The following SLC30A6 variants were observed in gnomAD, a reference collection of about 807,000 sequenced individuals.
The protein encoded by SLC30A6 is zinc transporter 6.
In SLC30A6, 55 loss-of-function variants were observed where a neutral mutation model predicts 63.0. That is an observed-to-expected ratio of 0.87 (90% CI 0.70 to 1.09). SLC30A6 has a LOEUF of 1.09. SLC30A6 is among the 50% of genes least tolerant of loss of function. SLC30A6 has a pLI of 0.00. For missense variants in SLC30A6, 587 were observed against 549.2 expected, an observed-to-expected ratio of 1.07 and a Z score of -0.69; for synonymous variants, 224 against 186.1, an observed-to-expected ratio of 1.20 and a Z score of -1.66.
At chr2:32,204,539 T>C (rs1286625998) in intron 10 of SLC30A6, 51 bp from the exon 11 acceptor site, 1 of 1,219,982 alleles carries the variant, frequency 8.2e-7, no homozygotes, top group African/African-American at 1.5e-5. Context: ...TTAATTGTAA[T>C]ATGCCCAGTG....
At chr2:32,212,245 A>G (rs1685314348) in intron 13 of SLC30A6, among the ~76,000 whole-genome samples, 1 of 151,742 alleles carries the variant, frequency 6.6e-6, no homozygotes, top group Non-Finnish European at 1.5e-5. Context: ...TCTCATTTCT[A>G]AGGTTTTCTA....
At chr2:32,215,521 T>A (rs1381415508) in intron 13 of SLC30A6, among the ~76,000 whole-genome samples, 7,309 of 142,712 alleles carry the variant, frequency 0.051, 239 homozygotes, top group Middle Eastern at 0.13. Context: ...TATATATTTT[T>A]TTTTTTTTTT....
intron 10 of SLC30A6, chr2:32,202,169 G>T (rs1272458482): frequency 9.0e-6 from 7 of 775,636 alleles, no homozygotes; most frequent in Admixed American, 2.5e-5. Context: ...CTTCTGAAAG[G>T]TTGAGGGGTA....
intron 13 of SLC30A6, among the ~76,000 whole-genome samples, chr2:32,218,826 G>C (rs1265694975): frequency 6.6e-6 from 1 of 151,952 alleles, no homozygotes; most frequent in African/African-American, 2.4e-5. Context: ...CAAAGTGCTG[G>C]GATTATAGGC....
chr2:32,170,374 G>A (rs531974825), intron 1 of SLC30A6, among the ~76,000 whole-genome samples: 1 of 152,222 alleles, frequency 6.6e-6, no homozygotes, highest in African/African-American at 2.4e-5. Flanking sequence ...TCTCATATGT[G>A]TTTGAACTCT....
chr2:32,189,596 CTTTTTTTTTTTTTTTTT>C lies in SLC30A6; in HGVS notation c.285-2726_285-2710del, dbSNP rs3040842. On this transcript the variant is annotated intron_variant, in intron 5 of 13. Coordinates refer to ENST00000282587, the MANE Select transcript of SLC30A6 (RefSeq NM_017964.5). ...ATAAGCATGAGCCACCGCACCCGGC[CTTTTTTTTTTTTTTTTT>C]TTTTTTTTTTTTTGAGGCAGAATCT... is the stretch of plus-strand genomic sequence containing the variant. Among the ~76,000 whole-genome samples, 6 of 51,928 alleles carry C rather than the reference CTTTTTTTTTTTTTTTTT, an allele frequency of 1.2e-4. No individual in the cohort carries two copies. The South Asian group carries it at 2.8e-3, about 24-fold the overall frequency. 34.1% of individuals were successfully genotyped at this position (51,928 alleles called of 152,430 possible).
chr2:32,185,638 A>G (rs557056516), intron 5 of SLC30A6, among the ~76,000 whole-genome samples: 1 of 152,306 alleles, frequency 6.6e-6, no homozygotes, highest in African/African-American at 2.4e-5. Flanking sequence ...AATGGGAAGA[A>G]GTAAACAAAA....
chr2:32,217,645 GC>G (rs997279153), intron 13 of SLC30A6, among the ~76,000 whole-genome samples: 4 of 152,072 alleles, frequency 2.6e-5, no homozygotes, highest in Non-Finnish European at 5.9e-5. Flanking sequence ...TCTATAGATT[GC>G]TTTGGACAAT....
At chr2:32,174,485 GC>G (rs1204613128) in intron 3 of SLC30A6, among the ~76,000 whole-genome samples, 2 of 150,424 alleles carry the variant, frequency 1.3e-5, no homozygotes. Flanking sequence ...AAGCCACAAT[GC>G]CTGGCCATTT....
Position 32,223,657 on chromosome 2 carries a change from C to T in SLC30A6, c.*2944C>T, listed in dbSNP as rs1686260669. ...ACACCCAAGCCATTAATTTGAGGTG[C>T]CATGAGAATAGGTGAACCACAGCCT... On this transcript the variant is annotated 3_prime_UTR_variant, in exon 14 of 14. Transcript: ENST00000282587. The T allele has an allele frequency of 6.6e-6, 1 of 152,156 alleles. No homozygotes were observed. The highest frequency in any genetic ancestry group is 2.4e-5 in the African/African-American group (1 of 41,420). 9.4% of individuals were successfully genotyped at this position (152,156 alleles called of 1,614,324 possible).
intron 12 of SLC30A6, among the ~76,000 whole-genome samples, chr2:32,209,137 T>C (rs1685038723): frequency 6.6e-6 from 1 of 152,088 alleles, no homozygotes; most frequent in Non-Finnish European, 1.5e-5. Flanking sequence ...AACAAAAAAA[T>C]TAAGTAAAAA....
chr2:32,181,829 C>G (rs377187500), intron 4 of SLC30A6, among the ~76,000 whole-genome samples: 1 of 151,414 alleles, frequency 6.6e-6, no homozygotes, highest in Non-Finnish European at 1.5e-5. Flanking sequence ...GATTGTGCCA[C>G]TGCACTCCAA....
chr2:32,206,929 G>C lies in SLC30A6; in HGVS notation c.812G>C (p.Arg271Thr). 1.9e-6 allele frequency: 3 copies of C among 1,607,096 alleles called. No individual in the cohort carries two copies. Among genetic ancestry groups the C allele is most frequent in the Non-Finnish European group, 2.6e-6 (3 of 1,173,698 alleles). The part of the protein sequence containing the change: ...HVIGQLDKLI[R>T]EVSTLDGVLE... ...ATTGGTCAGTTGGACAAACTCATCA[G>C]AGAGGTAAGATGGAATAGTAAATAA... Residue 271 changes from arginine (R) to threonine (T), a missense_variant, in exon 12 of 14, where the codon AGA becomes ACA. By Grantham distance (71) the Arg-to-Thr change is moderately conservative (BLOSUM62 -1). Coordinates refer to ENST00000282587, the MANE Select transcript of SLC30A6 (RefSeq NM_017964.5).
At chr2:32,177,546 C>T in intron 4 of SLC30A6, 1 of 206,534 alleles carries the variant, frequency 4.8e-6, no homozygotes. Context: ...CCCACCTCGG[C>T]CTACCAAAGT....
chr2:32,214,923 G>A (rs1685569759), intron 13 of SLC30A6, among the ~76,000 whole-genome samples: 2 of 152,206 alleles, frequency 1.3e-5, no homozygotes, highest in Admixed American at 6.5e-5. Flanking sequence ...AAGATGACTT[G>A]ATTTCAAGAC....
At chr2:32,180,184 T>G (rs1682160948) in intron 4 of SLC30A6, among the ~76,000 whole-genome samples, 1 of 152,036 alleles carries the variant, frequency 6.6e-6, no homozygotes. Context: ...AAAGGACTGC[T>G]TGAGCCCAGG....
At chr2:32,178,953 G>C (rs893783347) in intron 4 of SLC30A6, among the ~76,000 whole-genome samples, 1 of 152,090 alleles carries the variant, frequency 6.6e-6, no homozygotes, top group Non-Finnish European at 1.5e-5. Context: ...AGCCTTTACC[G>C]CCTGAGCTCA....
chr2:32,208,818 C>G (rs1292216706), intron 12 of SLC30A6, among the ~76,000 whole-genome samples: 1 of 152,172 alleles, frequency 6.6e-6, no homozygotes, highest in Non-Finnish European at 1.5e-5. Context: ...CCAGCCTAGA[C>G]TTTCTTTTAA....
Position 32,220,308 on chromosome 2 carries a change from A to G in SLC30A6, c.981A>G (p.Leu327=), listed in dbSNP as rs772999041. 1.2e-5 allele frequency: 19 copies of G among 1,614,142 alleles called. No homozygotes were observed. Among genetic ancestry groups the G allele is most frequent in the Non-Finnish European group, 1.6e-5 (19 of 1,180,030 alleles). ...GGCTGTACACTCTAGTGTCTACTCT[A>G]ACTGTTCAAATTTTCAAGGATGACT... is the stretch of plus-strand genomic sequence containing the variant. The part of the protein sequence containing the change: ...TNRLYTLVST[L]TVQIFKDDWI... Residue 327 remains leucine (L), a synonymous_variant, in exon 14 of 14, where the codon CTA becomes CTG. Transcript: ENST00000282587.
Sources: gnomAD v4.1 joint callset for allele counts (sites outside exome capture counted in the v4.1 genomes callset) on GRCh38, gnomAD v4.1.1 for gene constraint, MANE v1.5 for transcripts, NCBI Gene and HGNC (gene_info 2026-07-23, HGNC 2026-07-21) for gene names.